MSH3: variants seen among roughly 807,000 people sequenced by gnomAD.
MSH3 encodes mutS homolog 3, also known as DNA mismatch repair protein Msh3.
Under a neutral mutation model 123.3 loss-of-function variants are expected in MSH3, and 106 were observed. That is an observed-to-expected ratio of 0.86 (90% CI 0.73 to 1.01). The LOEUF is 1.01. Ranked by LOEUF, MSH3 falls within the 50% of genes least tolerant of loss-of-function variation. The pLI is 0.00. For synonymous variants in MSH3, 515 were observed against 481.4 expected (o/e 1.07, Z -0.91); for missense variants, 1,459 against 1,347.6 (o/e 1.08, Z -1.29).
At chr5:80,724,447 G>T (rs1743217973) in intron 8 of MSH3, among the ~76,000 whole-genome samples, 1 of 152,092 alleles carries the variant, frequency 6.6e-6, no homozygotes, top group African/African-American at 2.4e-5. Context: ...AATATGGAAA[G>T]ATTCATTCTA....
intron 1 of MSH3, 48 bp from the exon 2 acceptor site, chr5:80,656,363 C>T: frequency 6.2e-7 from 1 of 1,612,132 alleles, no homozygotes; most frequent in Non-Finnish European, 8.5e-7. Flanking sequence ...TACGTCAGGC[C>T]TTCTCAGAGT....
chr5:80,819,638 C>T (rs1389841946), intron 20 of MSH3, among the ~76,000 whole-genome samples: 1 of 151,770 alleles, frequency 6.6e-6, no homozygotes, highest in African/African-American at 2.4e-5. Context: ...AGGTGCCCAC[C>T]ACCACACCCA....
intron 8 of MSH3, among the ~76,000 whole-genome samples, chr5:80,708,354 C>T (rs6151700): frequency 1.8e-4 from 27 of 152,134 alleles, no homozygotes; most frequent in South Asian, 6.2e-4. Flanking sequence ...TTTCTTTGTA[C>T]GTTTACCAGT....
In MSH3 at chr5:80,808,295, T is replaced by C. The variant is rs140796495; in HGVS notation, c.2656-5289T>C. Reference sequence around the variant, plus strand: ...CTATGTGATCTGCCAATGACAGTTTTGTTTTGTCCTTTCTCATCCTAATGC... The same window carrying C: ...CTATGTGATCTGCCAATGACAGTTTCGTTTTGTCCTTTCTCATCCTAATGC... On this transcript the variant is annotated intron_variant, in intron 19 of 23. Coordinates refer to ENST00000265081, the MANE Select transcript of MSH3 (RefSeq NM_002439.5). Among the ~76,000 whole-genome samples the C allele has an allele frequency of 1.7e-3, 252 of 152,334 alleles. 1 individual carries two copies. Among genetic ancestry groups the C allele is most frequent in the African/African-American group, 5.8e-3 (243 of 41,586 alleles).
chr5:80,734,224 A>G (rs1743463321), intron 10 of MSH3, among the ~76,000 whole-genome samples: 1 of 152,222 alleles, frequency 6.6e-6, no homozygotes, highest in Non-Finnish European at 1.5e-5. Flanking sequence ...GTCTGATTCC[A>G]TTTATATGAA....
At chr5:80,729,430 AT>A (rs1353406701) in intron 10 of MSH3, among the ~76,000 whole-genome samples, 2 of 78,374 alleles carry the variant, frequency 2.6e-5, no homozygotes, top group Admixed American at 1.6e-4. Context: ...AAAAAAAAAA[AT>A]GTGTGTGTGT....
intron 8 of MSH3, among the ~76,000 whole-genome samples, chr5:80,690,596 C>T (rs1016306330): frequency 5.9e-5 from 9 of 152,110 alleles, no homozygotes; most frequent in Non-Finnish European, 1.3e-4. Flanking sequence ...GGATTACAGA[C>T]GTGAGCCACT....
intron 19 of MSH3, among the ~76,000 whole-genome samples, chr5:80,808,858 C>CATATATATATATATATATATAT (rs747818551): frequency 2.3e-3 from 151 of 65,606 alleles, no homozygotes; most frequent in African/African-American, 2.6e-3. Context: ...ATATCTTCTT[C>CATATATATATATATATATATAT]ATATATATAT....
intron 20 of MSH3, among the ~76,000 whole-genome samples, chr5:80,815,760 C>T (rs768412835): frequency 3.1e-4 from 47 of 152,166 alleles, no homozygotes; most frequent in Non-Finnish European, 6.0e-4. Flanking sequence ...AGAACTGTGT[C>T]TCATGGCCAT....
intron 20 of MSH3, among the ~76,000 whole-genome samples, chr5:80,825,108 A>G (rs531332672): frequency 6.6e-6 from 1 of 152,276 alleles, no homozygotes; most frequent in African/African-American, 2.4e-5. Flanking sequence ...ATTTTTTATG[A>G]AATAATTCAG....
chr5:80,745,841 T>C lies in MSH3; in HGVS notation c.1763+1226T>C, dbSNP rs368477058. Among the ~76,000 whole-genome samples, 15 of 152,384 alleles carry C rather than the reference T, an allele frequency of 9.8e-5. 1 individual carries two copies. Among genetic ancestry groups the C allele is most frequent in the African/African-American group, 3.6e-4 (15 of 41,600 alleles). On this transcript the variant is annotated intron_variant, in intron 12 of 23. Coordinates refer to ENST00000265081, the MANE Select transcript of MSH3 (RefSeq NM_002439.5). ...CTGCACAGCAGCCTCACTAAGCAGA[T>C]GCTGTTATTAGCCCTGTGTTACTCT...
At chr5:80,833,718 G>A (rs775075238) in intron 20 of MSH3, among the ~76,000 whole-genome samples, 4 of 152,222 alleles carry the variant, frequency 2.6e-5, no homozygotes, top group Non-Finnish European at 5.9e-5. Context: ...TGGGATTACA[G>A]GCGTGAGCCA....
At chr5:80,722,895 A>G (rs1170188385) in intron 8 of MSH3, among the ~76,000 whole-genome samples, 1 of 152,146 alleles carries the variant, frequency 6.6e-6, no homozygotes, top group African/African-American at 2.4e-5. Context: ...GCTTGAGTCC[A>G]GGAGTTTGAC....
At chr5:80,814,125 CAAAGA>C (rs1158410986) in intron 20 of MSH3, among the ~76,000 whole-genome samples, 1 of 42,348 alleles carries the variant, frequency 2.4e-5, no homozygotes, top group Non-Finnish European at 4.3e-5. Context: ...GACCCTGTCT[CAAAGA>C]AAAAAAAAAA....
intron 20 of MSH3, among the ~76,000 whole-genome samples, chr5:80,849,092 G>A (rs948573205): frequency 6.6e-6 from 1 of 152,190 alleles, no homozygotes; most frequent in Admixed American, 6.5e-5. Flanking sequence ...CCCTATGCAA[G>A]TCTGAAATTC....
chr5:80,687,392 T>C (rs965070585), intron 8 of MSH3, among the ~76,000 whole-genome samples: 1 of 152,228 alleles, frequency 6.6e-6, no homozygotes, highest in Non-Finnish European at 1.5e-5. Context: ...ACAAATAATA[T>C]TTACTAGTTC....
chr5:80,815,685 A>T (rs1199627674), intron 20 of MSH3, among the ~76,000 whole-genome samples: 2 of 152,094 alleles, frequency 1.3e-5, no homozygotes, highest in South Asian at 2.1e-4. Flanking sequence ...CCCTTTTTTT[A>T]AAAAATTTTT....
chr5:80,845,569 G>A (rs539088846), intron 20 of MSH3, among the ~76,000 whole-genome samples: 1 of 152,206 alleles, frequency 6.6e-6, no homozygotes, highest in South Asian at 2.1e-4. Context: ...TTTTCACATA[G>A]TCCCATATTT....
chr5:80,808,887 A>ATATATGTATATAT (rs1343096449), intron 19 of MSH3, among the ~76,000 whole-genome samples: 1 of 85,778 alleles, frequency 1.2e-5, no homozygotes, highest in Non-Finnish European at 2.8e-5. Flanking sequence ...ATATATACAC[A>ATATATGTATATAT]ATCTAAATTC....
Sources: allele counts gnomAD v4.1 joint callset (sites outside exome capture counted in the v4.1 genomes callset), GRCh38; gene constraint gnomAD v4.1.1; transcripts MANE v1.5; gene names NCBI Gene and HGNC (gene_info 2026-07-23, HGNC 2026-07-21).